The following DIAPH2 variants were observed in gnomAD, a reference collection of about 807,000 sequenced individuals.
The protein encoded by DIAPH2 is diaphanous related formin 2.
Under a neutral mutation model 92.7 loss-of-function variants are expected in DIAPH2, and 35 were observed. The ratio of observed to expected loss-of-function variants is 0.38; its 90% CI spans 0.29 to 0.50. The LOEUF is 0.50. Ranked by LOEUF, DIAPH2 falls within the 20% of genes least tolerant of loss-of-function variation. The probability of loss-of-function intolerance (pLI) is 0.94; values close to 1 mark genes in which losing one functional copy is unlikely to be tolerated. For synonymous variants in DIAPH2, 301 were observed against 280.4 expected, an observed-to-expected ratio of 1.07 and a Z score of -0.73; for missense variants, 701 against 819.5, an observed-to-expected ratio of 0.86 and a Z score of 1.77.
chrX:97,328,713 C>A (rs2068972316), intron 23 of DIAPH2, among the ~76,000 whole-genome samples: 1 of 111,138 alleles, frequency 9.0e-6, no homozygotes, highest in African/African-American at 3.3e-5. Context: ...AATTTATAAA[C>A]TGGATGATGT....
chrX:97,070,956 A>G (rs2066665682), intron 17 of DIAPH2, among the ~76,000 whole-genome samples: 1 of 111,805 alleles, frequency 8.9e-6, no homozygotes. Context: ...GGATCCTGTT[A>G]GTTTGCAGAA....
intron 25 of DIAPH2, among the ~76,000 whole-genome samples, chrX:97,425,824 A>G (rs2070057871): frequency 2.3e-5 from 2 of 87,969 alleles, no homozygotes; most frequent in Admixed American, 1.3e-4. Flanking sequence ...GTGTGTATGT[A>G]TATGTGTGTG....
At chrX:97,472,278 A>G (rs1182587711) in intron 26 of DIAPH2, among the ~76,000 whole-genome samples, 1 of 112,410 alleles carries the variant, frequency 8.9e-6, no homozygotes, top group Non-Finnish European at 1.9e-5. Context: ...TCTCTGGTGA[A>G]AAAACACTTT....
intron 17 of DIAPH2, among the ~76,000 whole-genome samples, chrX:96,975,505 C>T (rs2065954933): frequency 8.9e-6 from 1 of 111,880 alleles, no homozygotes; most frequent in African/African-American, 3.2e-5. Flanking sequence ...GCACAACATG[C>T]ATCCTTCTGT....
chrX:96,836,439 CTAGT>C (rs1441511860), intron 4 of DIAPH2, among the ~76,000 whole-genome samples: 1 of 108,159 alleles, frequency 9.2e-6, no homozygotes, highest in Non-Finnish European at 1.9e-5. Flanking sequence ...AATTATATAG[CTAGT>C]TATACTCTAT....
chrX:97,550,350 A>T (rs886302740), intron 26 of DIAPH2, among the ~76,000 whole-genome samples: 3 of 112,094 alleles, frequency 2.7e-5, no homozygotes, highest in Non-Finnish European at 5.6e-5. Context: ...CAAGAGCGAA[A>T]CTCTGTCTCA....
intron 23 of DIAPH2, among the ~76,000 whole-genome samples, chrX:97,346,245 C>T (rs1198480096): frequency 9.0e-6 from 1 of 111,531 alleles, no homozygotes; most frequent in East Asian, 2.8e-4. Context: ...ATCTGGGGCC[C>T]CAGGAAACAG....
In DIAPH2 at chrX:97,300,743, T is replaced by C. The variant is rs1343073815; in HGVS notation, c.2845-47373T>C. 1.3e-4 allele frequency among the ~76,000 whole-genome samples: 11 copies of C among 87,381 alleles called. 1 individual carries two copies. The highest frequency in any genetic ancestry group is 2.3e-5 in the Non-Finnish European group (1 of 44,256). 75.9% of individuals were successfully genotyped at this position (87,381 alleles called of 115,157 possible). On this transcript the variant is annotated intron_variant, in intron 23 of 26. Transcript: ENST00000324765. Reference sequence around the variant, plus strand: ...GTCAGGAGATTGAGACCATCCTGGCTAACACGGTGAAACCCCGTCTCTACT... The same window carrying C: ...GTCAGGAGATTGAGACCATCCTGGCCAACACGGTGAAACCCCGTCTCTACT...
intron 22 of DIAPH2, among the ~76,000 whole-genome samples, chrX:97,199,092 G>A (rs1472011227): frequency 9.1e-6 from 1 of 110,086 alleles, no homozygotes; most frequent in African/African-American, 3.3e-5. Flanking sequence ...GCTAAGGCAT[G>A]TTTCAGAGGA....
intron 23 of DIAPH2, among the ~76,000 whole-genome samples, chrX:97,258,889 A>AAAAAC (rs2068265471): frequency 9.8e-6 from 1 of 102,094 alleles, no homozygotes; most frequent in African/African-American, 3.7e-5. Flanking sequence ...AAAAAAAAAA[A>AAAAAC]AACAACAACA....
At chrX:97,382,329 G>A (rs931466461) in intron 24 of DIAPH2, among the ~76,000 whole-genome samples, 5 of 111,887 alleles carry the variant, frequency 4.5e-5, no homozygotes, top group Admixed American at 9.5e-5. Flanking sequence ...GGTGGCTCAC[G>A]CCTGTAATCC....
chrX:97,436,807 C>T (rs145626984), intron 26 of DIAPH2, among the ~76,000 whole-genome samples: 3,085 of 111,630 alleles, frequency 0.028, 35 homozygotes, highest in Middle Eastern at 0.041. Flanking sequence ...TGCATTTCTA[C>T]GCTTGCTGTC....
Position 97,300,868 on chromosome X carries a change from G to C in DIAPH2, c.2845-47248G>C, listed in dbSNP as rs752405072. On this transcript the variant is annotated intron_variant, in intron 23 of 26. Transcript: ENST00000324765. ...AATGGCGTGAACCCGGGAGGCGGAG[G>C]TTGCTGTGAGCCGAGATCACGCCAC... 1.3e-3 allele frequency among the ~76,000 whole-genome samples: 117 copies of C among 93,293 alleles called. 1 individual carries two copies. Among genetic ancestry groups the C allele is most frequent in the Non-Finnish European group, 1.7e-3 (80 of 48,166 alleles). 81.0% of individuals were successfully genotyped at this position (93,293 alleles called of 115,157 possible). A position where few individuals can be genotyped will look rare whatever the true frequency, so the allele number is the denominator to read the frequency against.
At chrX:97,061,813 C>CAAAAAA (rs11364777) in intron 17 of DIAPH2, among the ~76,000 whole-genome samples, 1 of 38,731 alleles carries the variant, frequency 2.6e-5, no homozygotes, top group Non-Finnish European at 4.3e-5. Context: ...GACTCCGTCT[C>CAAAAAA]AAAAAAAAAA....
intron 1 of DIAPH2, among the ~76,000 whole-genome samples, chrX:96,706,556 T>C (rs998822108): frequency 5.4e-5 from 6 of 111,625 alleles, no homozygotes; most frequent in African/African-American, 2.0e-4. Context: ...GAAGAATGAG[T>C]GTGGTGGAGT....
chrX:97,097,468 A>T (rs1490125009), intron 19 of DIAPH2, among the ~76,000 whole-genome samples: 1 of 112,152 alleles, frequency 8.9e-6, no homozygotes, highest in Non-Finnish European at 1.9e-5. Flanking sequence ...AGCTGAATAG[A>T]GAAAAGATAT....
chrX:97,192,987 ATTTC>A (rs1230240425), intron 22 of DIAPH2, among the ~76,000 whole-genome samples: 2 of 92,099 alleles, frequency 2.2e-5, no homozygotes, highest in Non-Finnish European at 4.2e-5. Context: ...ATAATACATT[ATTTC>A]TTTCTTTTTC....
chrX:97,436,351 A>G (rs2070186814), intron 26 of DIAPH2, among the ~76,000 whole-genome samples: 1 of 111,580 alleles, frequency 9.0e-6, no homozygotes, highest in Admixed American at 9.6e-5. Context: ...CATTATGAAG[A>G]AATGAAACCA....
chrX:96,688,586 C>G (rs2063783467), intron 1 of DIAPH2, among the ~76,000 whole-genome samples: 1 of 112,183 alleles, frequency 8.9e-6, no homozygotes, highest in Admixed American at 9.4e-5. Context: ...ATCCACCCAC[C>G]TCCACCTCCC....
Sources: allele counts gnomAD v4.1 joint callset (sites outside exome capture counted in the v4.1 genomes callset), GRCh38; gene constraint gnomAD v4.1.1; transcripts MANE v1.5; gene names NCBI Gene and HGNC (gene_info 2026-07-23, HGNC 2026-07-21).